The following FRMD4B variants were observed in gnomAD, a reference collection of about 807,000 sequenced individuals.
FRMD4B encodes the protein FERM domain-containing protein 4B.
A neutral mutation model predicts 141.5 loss-of-function variants in FRMD4B; 74 were observed. That is an observed-to-expected ratio of 0.52 (90% CI 0.43 to 0.63). The LOEUF (loss-of-function observed/expected upper bound fraction) is 0.63, where lower values mean the gene tolerates loss of function less well. Ranked by LOEUF, FRMD4B falls within the 30% of genes least tolerant of loss-of-function variation. FRMD4B has a pLI of 0.00. For missense variants in FRMD4B, 1,366 were observed against 1,253.4 expected, an observed-to-expected ratio of 1.09 and a Z score of -1.36; for synonymous variants, 506 against 467.9, an observed-to-expected ratio of 1.08 and a Z score of -1.05.
intron 5 of FRMD4B, among the ~76,000 whole-genome samples, chr3:69,268,073 T>C (rs2093576438): frequency 6.6e-6 from 1 of 151,974 alleles, no homozygotes; most frequent in South Asian, 2.1e-4. Context: ...ACTTCTCTCC[T>C]ATTCTGAAGT....
At chr3:69,540,613 T>TAAAA (rs1157655761) in intron 1 of FRMD4B, among the ~76,000 whole-genome samples, 19 of 14,008 alleles carry the variant, frequency 1.4e-3, no homozygotes, top group African/African-American at 1.5e-3. Flanking sequence ...ACTCTGTCTC[T>TAAAA]AAAAAAAAAA....
Position 69,472,925 on chromosome 3 carries a change from C to CTTTT in FRMD4B, c.-128-40168_-128-40165dup, listed in dbSNP as rs796453101. 5.0e-3 allele frequency among the ~76,000 whole-genome samples: 456 copies of CTTTT among 90,754 alleles called. 23 individuals are homozygous for CTTTT. The highest frequency in any genetic ancestry group is 0.02 in the African/African-American group (409 of 20,652). 59.5% of individuals were successfully genotyped at this position (90,754 alleles called of 152,430 possible). A position where few individuals can be genotyped will look rare whatever the true frequency, so the allele number is the denominator to read the frequency against. ...TATCCAAGGCTTCAAGTGAGTCTTTCTTTTTTTTTTTTCTTTTTTTTTTTT... is the reference window on the plus strand; with the variant it reads ...TATCCAAGGCTTCAAGTGAGTCTTTCTTTTTTTTTTTTTTTTCTTTTTTTTTTTT... On this transcript the variant is annotated intron_variant, in intron 1 of 5. Transcript: ENST00000459638.
chr3:69,455,637 C>T (rs574074963), intron 1 of FRMD4B, among the ~76,000 whole-genome samples: 9 of 152,236 alleles, frequency 5.9e-5, no homozygotes, highest in East Asian at 3.9e-4. Flanking sequence ...TGCGAGGGTC[C>T]GTGGCTTCAT....
At chr3:69,264,149 T>C (rs2106876939) in intron 5 of FRMD4B, among the ~76,000 whole-genome samples, 1 of 152,302 alleles carries the variant, frequency 6.6e-6, no homozygotes, top group South Asian at 2.1e-4. Context: ...GACACAGAGT[T>C]GGGCAGTGAG....
At chr3:69,313,611 T>G in intron 1 of FRMD4B, 94 bp from the exon 2 acceptor site, 3 of 761,768 alleles carry the variant, frequency 3.9e-6, no homozygotes, top group African/African-American at 1.7e-5. Flanking sequence ...TGAGATGGGC[T>G]CAGCCTAAAA....
intron 1 of FRMD4B, among the ~76,000 whole-genome samples, chr3:69,509,478 T>C (rs1706654257): frequency 6.6e-6 from 1 of 152,166 alleles, no homozygotes. Context: ...TTTCTCAAGG[T>C]GCTGGAAGTG....
At chr3:69,205,100 T>G (rs1354019955) in intron 11 of FRMD4B, among the ~76,000 whole-genome samples, 2 of 140,446 alleles carry the variant, frequency 1.4e-5, no homozygotes, top group Non-Finnish European at 3.0e-5. Flanking sequence ...AGAGTAATTC[T>G]TATTTCTTCC....
chr3:69,239,717 G>T (rs778381347), intron 7 of FRMD4B, among the ~76,000 whole-genome samples: 4 of 152,166 alleles, frequency 2.6e-5, no homozygotes, highest in Non-Finnish European at 5.9e-5. Flanking sequence ...AATGGGTGCA[G>T]AGTTTCTGTT....
rs192302817 is a variant in FRMD4B, at chr3:69,295,412, C to T, written c.416+6931G>A. ...TCACCGCTCACTGCAGCCTCAATGT[C>T]CTGGGCTGAAGCAATCCTCCTGCCT... On this transcript the variant is annotated intron_variant, in intron 4 of 22. Transcript: ENST00000398540. Among the ~76,000 whole-genome samples the T allele has an allele frequency of 3.3e-5, 5 of 152,218 alleles. No homozygotes were observed. In the East Asian group the frequency reaches 9.7e-4, roughly 29 times the overall value.
At chr3:69,426,170 C>T (rs1160819482) in intron 2 of FRMD4B, among the ~76,000 whole-genome samples, 3 of 152,238 alleles carry the variant, frequency 2.0e-5, no homozygotes, top group Admixed American at 1.3e-4. Context: ...AAGTGTGGAG[C>T]TTCTGGCATA....
intron 1 of FRMD4B, among the ~76,000 whole-genome samples, chr3:69,527,374 T>C (rs1700944776): frequency 6.6e-6 from 1 of 152,090 alleles, no homozygotes; most frequent in South Asian, 2.1e-4. Flanking sequence ...ACCTGCTGCT[T>C]CTTGGTGAGT....
chr3:69,298,147 G>T (rs561685034), intron 4 of FRMD4B, among the ~76,000 whole-genome samples: 59 of 152,234 alleles, frequency 3.9e-4, no homozygotes, highest in Non-Finnish European at 7.9e-4. Context: ...AGGGCCTGCT[G>T]CAGAGTTTAT....
Position 69,253,183 on chromosome 3 carries a change from A to ATTTT in FRMD4B, c.502-3088_502-3085dup, listed in dbSNP as rs5849890. Among the ~76,000 whole-genome samples, 99 of 129,844 alleles carry ATTTT rather than the reference A, an allele frequency of 7.6e-4. 1 individual carries two copies. The highest frequency in any genetic ancestry group is 2.7e-3 in the African/African-American group (89 of 33,560). The allele number at this position is 129,844 out of a possible 152,430, so 85.2% of individuals were successfully genotyped here. A position where few individuals can be genotyped will look rare whatever the true frequency, so the allele number is the denominator to read the frequency against. ...GGAAATTAGTGAAAATATGATTCCT[A>ATTTT]TTTTTTTTTTTTTTTTTTTTTGCAG... On this transcript the variant is annotated intron_variant, in intron 5 of 22. Coordinates refer to ENST00000398540, the MANE Select transcript of FRMD4B (RefSeq NM_015123.3).
At chr3:69,535,353 G>C (rs1384168718) in intron 1 of FRMD4B, among the ~76,000 whole-genome samples, 1 of 152,222 alleles carries the variant, frequency 6.6e-6, no homozygotes, top group Non-Finnish European at 1.5e-5. Context: ...AGGGGTGTTA[G>C]GAGTCCCCAC....
intron 1 of FRMD4B, among the ~76,000 whole-genome samples, chr3:69,359,887 A>T (rs752406658): frequency 8.5e-5 from 13 of 152,254 alleles, no homozygotes; most frequent in Non-Finnish European, 1.9e-4. Context: ...TCCATTTTAC[A>T]AATGGGAAAC....
At chr3:69,474,970 A>T (rs147240429) in intron 1 of FRMD4B, among the ~76,000 whole-genome samples, 233 of 152,310 alleles carry the variant, frequency 1.5e-3, no homozygotes, top group African/African-American at 5.4e-3. Context: ...TCAAGCTTAG[A>T]CCAAAAGAAT....
chr3:69,231,879 C>G (rs187849090), intron 7 of FRMD4B, among the ~76,000 whole-genome samples: 1 of 152,314 alleles, frequency 6.6e-6, no homozygotes, highest in African/African-American at 2.4e-5. Flanking sequence ...CGGGATTTCA[C>G]GTTTGAGTGG....
chr3:69,447,752 C>T (rs1000128192), intron 1 of FRMD4B, among the ~76,000 whole-genome samples: 1 of 152,152 alleles, frequency 6.6e-6, no homozygotes, highest in Non-Finnish European at 1.5e-5. Context: ...TCTGACATTA[C>T]GTATTACTTT....
At chr3:69,192,684 A>G (rs1361532044) in intron 17 of FRMD4B, among the ~76,000 whole-genome samples, 4 of 152,192 alleles carry the variant, frequency 2.6e-5, no homozygotes, top group African/African-American at 9.6e-5. Flanking sequence ...ATTTTGAAAT[A>G]TTTCTCAGCC....
Sources: gnomAD v4.1 joint callset for allele counts (sites outside exome capture counted in the v4.1 genomes callset) on GRCh38, gnomAD v4.1.1 for gene constraint, MANE v1.5 for transcripts, NCBI Gene and HGNC (gene_info 2026-07-23, HGNC 2026-07-21) for gene names.